CARMIL1: variants seen among roughly 807,000 people sequenced by gnomAD.
CARMIL1 encodes F-actin-uncapping protein LRRC16A.
A neutral mutation model predicts 177.1 loss-of-function variants in CARMIL1; 90 were observed. The observed-to-expected ratio is 0.51, with a 90% CI of 0.43 to 0.61. The LOEUF is 0.61. Ranked by LOEUF, CARMIL1 falls within the 20% of genes least tolerant of loss-of-function variation. The pLI, the probability that CARMIL1 is intolerant of heterozygous loss-of-function variation, is 0.00. For missense variants in CARMIL1, 1,380 were observed against 1,667.0 expected, an observed-to-expected ratio of 0.83 and a Z score of 3.00; for synonymous variants, 577 against 606.2, an observed-to-expected ratio of 0.95 and a Z score of 0.71.
intron 8 of CARMIL1, among the ~76,000 whole-genome samples, chr6:25,459,252 T>TTCTTTCTTTCTTTCTTTCTTTC (rs1799850656): frequency 1.7e-5 from 2 of 120,322 alleles, no homozygotes; most frequent in African/African-American, 6.0e-5. Context: ...CTTTCTTTCT[T>TTCTTTCTTTCTTTCTTTCTTTC]TCTTTCTTTC....
At chr6:25,451,985 T>TTCCCCCCCCCCCCCCC in intron 8 of CARMIL1, 2 of 105,384 alleles carry the variant, frequency 1.9e-5, no homozygotes, top group South Asian at 8.7e-5. Flanking sequence ...ACTAGCATCT[T>TTCCCCCCCCCCCCCCC]GCCCCCCCCT....
At chr6:25,480,324 CTG>C (rs1010145893) in intron 11 of CARMIL1, among the ~76,000 whole-genome samples, 2 of 151,890 alleles carry the variant, frequency 1.3e-5, no homozygotes, top group African/African-American at 4.8e-5. Flanking sequence ...CCTTTTGTTA[CTG>C]TCAGATTTAC....
intron 36 of CARMIL1, among the ~76,000 whole-genome samples, chr6:25,617,870 A>T (rs933252587): frequency 1.6e-4 from 24 of 152,202 alleles, no homozygotes; most frequent in African/African-American, 5.5e-4. Context: ...TAGAAATTGC[A>T]CTTCAGTTTG....
At chr6:25,387,415 A>G (rs1381397660) in intron 2 of CARMIL1, among the ~76,000 whole-genome samples, 1 of 152,266 alleles carries the variant, frequency 6.6e-6, no homozygotes, top group Non-Finnish European at 1.5e-5. Flanking sequence ...AATCTGTTGA[A>G]CACTATGCTC....
At chr6:25,383,053 C>T (rs975094573) in intron 2 of CARMIL1, among the ~76,000 whole-genome samples, 1 of 152,014 alleles carries the variant, frequency 6.6e-6, no homozygotes, top group Admixed American at 6.6e-5. Context: ...CTTCTCTGGC[C>T]CTGAGGAGTG....
chr6:25,406,993 G>A (rs1027811675), intron 2 of CARMIL1, among the ~76,000 whole-genome samples: 6 of 152,080 alleles, frequency 3.9e-5, no homozygotes, highest in Non-Finnish European at 7.3e-5. Context: ...GTATGGAAAC[G>A]AGAACATCAA....
intron 26 of CARMIL1, among the ~76,000 whole-genome samples, chr6:25,548,426 C>T (rs1269087665): frequency 2.0e-5 from 3 of 152,132 alleles, no homozygotes; most frequent in African/African-American, 7.2e-5. Flanking sequence ...TTGACCTTTC[C>T]ATGGCATATA....
chr6:25,394,939 C>T (rs1219997814), intron 2 of CARMIL1, among the ~76,000 whole-genome samples: 2 of 152,116 alleles, frequency 1.3e-5, no homozygotes, highest in African/African-American at 4.8e-5. Flanking sequence ...CCCAGGAAAC[C>T]TTAAAATATA....
Position 25,619,821 on chromosome 6 carries a change from C to A in CARMIL1, c.*238C>A, listed in dbSNP as rs1759602090. 7.5e-6 allele frequency: 2 copies of A among 266,712 alleles called. No homozygotes were observed. Among genetic ancestry groups the A allele is most frequent in the South Asian group, 2.5e-4 (2 of 7,990 alleles). 16.5% of individuals were successfully genotyped at this position (266,712 alleles called of 1,614,324 possible). A position where few individuals can be genotyped will look rare whatever the true frequency, so the allele number is the denominator to read the frequency against. On this transcript the variant is annotated 3_prime_UTR_variant, in exon 37 of 37. Transcript: ENST00000329474. ...CACATTTGTTTGGTCTTCCTCCAAC[C>A]CTTTGCATTTGATTTCTAAACATTC...
intron 12 of CARMIL1, among the ~76,000 whole-genome samples, chr6:25,486,667 T>C (rs575794466): frequency 6.6e-6 from 1 of 152,332 alleles, no homozygotes; most frequent in African/African-American, 2.4e-5. Flanking sequence ...TACGTTTCTC[T>C]TATCTAACAC....
chr6:25,303,170 G>T (rs915171205), intron 2 of CARMIL1, among the ~76,000 whole-genome samples: 1 of 150,518 alleles, frequency 6.6e-6, no homozygotes, highest in Non-Finnish European at 1.5e-5. Flanking sequence ...CTGATTGAAT[G>T]AAAAGATTCG....
chr6:25,397,920 A>T (rs896496677), intron 2 of CARMIL1, among the ~76,000 whole-genome samples: 1 of 152,156 alleles, frequency 6.6e-6, no homozygotes, highest in Non-Finnish European at 1.5e-5. Context: ...CAAATAGCAC[A>T]TGCTTTCTGT....
At chr6:25,358,579 G>A (rs541962988) in intron 2 of CARMIL1, among the ~76,000 whole-genome samples, 3 of 152,166 alleles carry the variant, frequency 2.0e-5, no homozygotes, top group South Asian at 2.1e-4. Context: ...TACTTACAAA[G>A]CATATCATAA....
intron 4 of CARMIL1, 115 bp downstream of exon 4, chr6:25,426,675 A>C: frequency 1.1e-6 from 1 of 874,818 alleles, no homozygotes. Context: ...GAAATTTTTG[A>C]AATGAGAGAC....
intron 2 of CARMIL1, among the ~76,000 whole-genome samples, chr6:25,403,998 A>T (rs1300564077): frequency 2.0e-5 from 3 of 152,232 alleles, no homozygotes; most frequent in Non-Finnish European, 4.4e-5. Flanking sequence ...CAAATATTTA[A>T]TGACAGTGTT....
intron 2 of CARMIL1, among the ~76,000 whole-genome samples, chr6:25,331,700 C>G (rs7746360): frequency 0.13 from 20,468 of 152,190 alleles, 1,422 homozygotes; most frequent in Middle Eastern, 0.19. Context: ...CTCTAGAAAG[C>G]TACGTGACTG....
At chr6:25,541,904 T>C (rs1286855386) in intron 26 of CARMIL1, among the ~76,000 whole-genome samples, 1 of 152,164 alleles carries the variant, frequency 6.6e-6, no homozygotes, top group African/African-American at 2.4e-5. Context: ...AGTGATTTGC[T>C]TGCCTTTGCC....
At chr6:25,319,234 G>A (rs962982203) in intron 2 of CARMIL1, among the ~76,000 whole-genome samples, 4 of 152,108 alleles carry the variant, frequency 2.6e-5, no homozygotes, top group Admixed American at 2.6e-4. Context: ...TTGCTCTGCA[G>A]GCCGTACTGG....
chr6:25,615,751 T>C (rs900802131), intron 36 of CARMIL1, among the ~76,000 whole-genome samples: 10 of 152,324 alleles, frequency 6.6e-5, no homozygotes, highest in African/African-American at 2.2e-4. Flanking sequence ...CTAGAAAGTA[T>C]AAAAAATCAG....
Sources: allele counts gnomAD v4.1 joint callset (sites outside exome capture counted in the v4.1 genomes callset), GRCh38; gene constraint gnomAD v4.1.1; transcripts MANE v1.5; gene names NCBI Gene and HGNC (gene_info 2026-07-23, HGNC 2026-07-21).